The following AP4M1 variants were observed in gnomAD, a reference collection of about 807,000 sequenced individuals.
AP4M1 encodes the protein adaptor related protein complex 4 subunit mu 1.
Under a neutral mutation model 62.4 loss-of-function variants are expected in AP4M1, and 58 were observed. The observed-to-expected ratio is 0.93, with a 90% CI of 0.75 to 1.16. AP4M1 has a LOEUF of 1.16. AP4M1 is among the 50% of genes most tolerant of loss of function. The pLI, the probability that AP4M1 is intolerant of heterozygous loss-of-function variation, is 0.00. For synonymous variants in AP4M1, 290 were observed against 239.7 expected, an observed-to-expected ratio of 1.21 and a Z score of -1.94; for missense variants, 626 against 585.4, an observed-to-expected ratio of 1.07 and a Z score of -0.72.
At position 100,107,947 on chromosome 7, in the gene AP4M1, G is replaced by A; in HGVS notation, c.*1065G>A. The A allele has an allele frequency of 6.2e-7, 1 of 1,612,760 alleles. No individual in the cohort carries two copies. Among genetic ancestry groups the A allele is most frequent in the Non-Finnish European group, 8.5e-7 (1 of 1,179,134 alleles). ...ATACCTGCTGGGTGGATGGGGCGCTGGAGGACGATGACATTACAATAAACT... is the reference window on the plus strand; with the variant it reads ...ATACCTGCTGGGTGGATGGGGCGCTAGAGGACGATGACATTACAATAAACT... On this transcript the variant is annotated 3_prime_UTR_variant, in exon 15 of 15. Coordinates refer to ENST00000359593, the MANE Select transcript of AP4M1 (RefSeq NM_004722.4).
At chr7:100,104,179 A>G (rs1796285076) in intron 7 of AP4M1, 25 bp downstream of exon 7, 1 of 1,605,348 alleles carries the variant, frequency 6.2e-7, no homozygotes, top group African/African-American at 1.3e-5. Context: ...CCAAACCTGG[A>G]GCTGAGGACA....
In AP4M1 at chr7:100,108,007, C is replaced by A; in HGVS notation, c.*1125C>A. On this transcript the variant is annotated 3_prime_UTR_variant, in exon 15 of 15. Transcript: ENST00000359593. ...GAGGGGAAGGCTGTGGTGGGGCAGC[C>A]GCTCGTGCAGACACCAGTGTCTGGA... The A allele has an allele frequency of 6.2e-7, 1 of 1,613,914 alleles. No homozygotes were observed. Among genetic ancestry groups the A allele is most frequent in the South Asian group, 1.1e-5 (1 of 91,054 alleles).
At chr7:100,101,601 G>T, upstream of AP4M1, 1 of 1,159,434 alleles carries the variant, frequency 8.6e-7, no homozygotes, top group Non-Finnish European at 1.3e-6. Flanking sequence ...AGCTGGCGCG[G>T]GCGGAGGAGA....
Position 100,102,852 on chromosome 7 carries a change from GT to G in AP4M1, c.255-11del. 2.5e-6 allele frequency: 4 copies of G among 1,614,088 alleles called. No homozygotes were observed. The highest frequency in any genetic ancestry group is 3.4e-6 in the Non-Finnish European group (4 of 1,179,962). ...GAGGAGGAGAAAATACACGCTCCAA[GT>G]GTTTCCTCAGGTTGGCCACCCTTCT... On this transcript the variant is annotated splice_polypyrimidine_tract_variant and intron_variant, in intron 3 of 14. Coordinates refer to ENST00000359593, the MANE Select transcript of AP4M1 (RefSeq NM_004722.4).
chr7:100,104,121 G>A lies in AP4M1; in HGVS notation c.573G>A (p.Val191=), dbSNP rs764131032. The change falls in exon 7 of 15, where the codon GTG becomes GTA. Residue 191 remains valine, a synonymous_variant. Coordinates refer to ENST00000359593, the MANE Select transcript of AP4M1 (RefSeq NM_004722.4). ...QSQKNEVFLD[V]VERLSVLIAS... The stretch of plus-strand genomic sequence containing the variant: ...AAAAGAATGAAGTTTTTTTGGATGT[G>A]GTCGAGAGATTGTCTGTACTGATAG... The A allele has an allele frequency of 6.2e-7, 1 of 1,613,984 alleles. No individual in the cohort carries two copies. The highest frequency in any genetic ancestry group is 8.5e-7 in the Non-Finnish European group (1 of 1,179,994).
In AP4M1 at chr7:100,106,774, C is replaced by T. The variant is rs1796546378; in HGVS notation, c.1254C>T (p.Gly418=). Reference sequence around the variant, plus strand: ...AGCTTCCCCGGCACACGTGCTCTGGCCTCCAGGTCCGATTCCTCAGGCTGG... The same window carrying T: ...AGCTTCCCCGGCACACGTGCTCTGGTCTCCAGGTCCGATTCCTCAGGCTGG... ...SFELPRHTCS[G]LQVRFLRLAF... is the part of the protein sequence containing the mutation. The change falls in exon 15 of 15, where the codon GGC becomes GGT. Residue 418 remains glycine, a synonymous_variant. Coordinates refer to ENST00000359593, the MANE Select transcript of AP4M1 (RefSeq NM_004722.4). The T allele has an allele frequency of 6.2e-7, 1 of 1,613,982 alleles. No individual in the cohort carries two copies. The highest frequency in any genetic ancestry group is 1.3e-5 in the African/African-American group (1 of 74,952).
rs1350685858 is a variant in AP4M1, at chr7:100,101,764, ACAAAGACTGTATC to A, written c.52_58+6del. The A allele has an allele frequency of 6.2e-7, 1 of 1,612,152 alleles. No homozygotes were observed. Among genetic ancestry groups the A allele is most frequent in the Admixed American group, 1.7e-5 (1 of 59,940 alleles). On this transcript the variant is annotated splice_donor_variant and splice_donor_5th_base_variant and coding_sequence_variant and intron_variant, in exon 1 of 15. Coordinates refer to ENST00000359593, the MANE Select transcript of AP4M1 (RefSeq NM_004722.4). LOFTEE classifies it high-confidence loss of function. ...TCCTCCAAGGGGGACCCGCTCATCT[ACAAAGACTGTATC>A]CTAGACCCTTGGGGCTGGGAAGGGG... is the stretch of plus-strand genomic sequence containing the variant.
chr7:100,104,098 A>C lies in AP4M1; in HGVS notation c.550A>C (p.Lys184Gln). 9 of 1,613,994 alleles carry C rather than the reference A, an allele frequency of 5.6e-6. No homozygotes were observed. The highest frequency in any genetic ancestry group is 7.6e-6 in the Non-Finnish European group (9 of 1,179,980). ...VLSSRSDQSQ[K>Q]NEVFLDVVER... ...AATTCTCTCTCTTTCTCAGAGCCAA[A>C]AGAATGAAGTTTTTTTGGATGTGGT... Residue 184 changes from lysine (K) to glutamine (Q), a missense_variant, in exon 7 of 15, where the codon AAG (lysine) becomes CAG (glutamine). Coordinates refer to ENST00000359593, the MANE Select transcript of AP4M1 (RefSeq NM_004722.4).
At position 100,107,067 on chromosome 7, in the gene AP4M1, G is replaced by C; in HGVS notation, c.*185G>C. 1 of 1,209,960 alleles carries C rather than the reference G, an allele frequency of 8.3e-7. No homozygotes were observed. The highest frequency in any genetic ancestry group is 1.2e-6 in the Non-Finnish European group (1 of 865,858). 75.0% of individuals were successfully genotyped at this position (1,209,960 alleles called of 1,614,324 possible). A position where few individuals can be genotyped will look rare whatever the true frequency, so the allele number is the denominator to read the frequency against. On this transcript the variant is annotated 3_prime_UTR_variant, in exon 15 of 15. Transcript: ENST00000359593. Reference sequence around the variant, plus strand: ...TATCTGATGCAGGAAGGACTGCAGTGGATCAGAACTTACAAACCAAACTTT... The same window carrying C: ...TATCTGATGCAGGAAGGACTGCAGTCGATCAGAACTTACAAACCAAACTTT...
chr7:100,102,268 G>T (rs549547671), intron 2 of AP4M1: 52 of 565,298 alleles, frequency 9.2e-5, no homozygotes, highest in African/African-American at 8.7e-4. Flanking sequence ...GCGGGCGCCT[G>T]TAATCCCATC....
In AP4M1 at chr7:100,107,017, G is replaced by A; in HGVS notation, c.*135G>A. 1 of 1,245,252 alleles carries A rather than the reference G, an allele frequency of 8.0e-7. No individual in the cohort carries two copies. Among genetic ancestry groups the A allele is most frequent in the Non-Finnish European group, 1.1e-6 (1 of 883,246 alleles). 77.1% of individuals were successfully genotyped at this position (1,245,252 alleles called of 1,614,324 possible). A position where few individuals can be genotyped will look rare whatever the true frequency, so the allele number is the denominator to read the frequency against. On this transcript the variant is annotated 3_prime_UTR_variant, in exon 15 of 15. Transcript: ENST00000359593. ...GTCCTCAGTCCCAAGACCAGGAGGG[G>A]GCAATGGGCCCAGCCTTTCTGTGGT...
chr7:100,106,204 C>T (rs759307262), intron 12 of AP4M1, 37 bp from the exon 13 acceptor site: 4 of 1,612,968 alleles, frequency 2.5e-6, no homozygotes, highest in Non-Finnish European at 3.4e-6. Flanking sequence ...GGGACTGTGC[C>T]TTCCTGGGGC....
chr7:100,106,384 T>C lies in AP4M1; in HGVS notation c.1026-19T>C. On this transcript the variant is annotated intron_variant, in intron 13 of 14. Transcript: ENST00000359593. ...TCAAGAAGGTGCCAAGCCCAGCACCTTCCCTTTCCAAACTCCAGCCTGTCT... is the reference window on the plus strand; with the variant it reads ...TCAAGAAGGTGCCAAGCCCAGCACCCTCCCTTTCCAAACTCCAGCCTGTCT... 6.2e-7 allele frequency: 1 copy of C among 1,613,310 alleles called. No individual in the cohort carries two copies. The highest frequency in any genetic ancestry group is 1.7e-5 in the Admixed American group (1 of 60,020).
rs1796489851 is a variant in AP4M1 at position 100,106,428 on chromosome 7, G to C, written c.1051G>C (p.Glu351Gln). 1 of 1,613,834 alleles carries C rather than the reference G, an allele frequency of 6.2e-7. No homozygotes were observed. The change falls in exon 14 of 15, where the codon GAG becomes CAG. Residue 351 changes from glutamate (E) to glutamine (Q), a missense_variant. Transcript: ENST00000359593. ...CCTGTCTCAGGAGCTGAGCAGCCCA[G>C]AGCAGAAGGCTGAGCTGGCAGAGGG... ...VSLSQELSSP[E>Q]QKAELAEGAL... is the part of the protein sequence containing the mutation.
Position 100,102,898 on chromosome 7 carries a change from C to T in AP4M1, c.289C>T (p.Leu97=), listed in dbSNP as rs376025594. 41 of 1,614,004 alleles carry T rather than the reference C, an allele frequency of 2.5e-5. No individual in the cohort carries two copies. Among genetic ancestry groups the T allele is most frequent in the South Asian group, 9.9e-5 (9 of 91,086 alleles). The change falls in exon 4 of 15, where the codon CTG becomes TTG. Residue 97 remains leucine (L), a synonymous_variant. Transcript: ENST00000359593. The part of the protein sequence containing the change: ...ATLLGDYCGS[L]GEGTISRNVA... ...CCTTCTGGGCGATTACTGTGGCTCCCTGGGCGAGGGGACCATCTCCCGCAA... is the reference window on the plus strand; with the variant it reads ...CCTTCTGGGCGATTACTGTGGCTCCTTGGGCGAGGGGACCATCTCCCGCAA...
intron 5 of AP4M1, 35 bp downstream of exon 5, chr7:100,103,554 A>G: frequency 1.2e-6 from 2 of 1,613,780 alleles, no homozygotes; most frequent in Middle Eastern, 3.3e-4. Context: ...GAGGAAAGAG[A>G]AGAGGGGTTG....
rs199843455 is a variant in AP4M1 at position 100,107,347 on chromosome 7, C to A, written c.*465C>A. The A allele has an allele frequency of 1.9e-5, 30 of 1,553,052 alleles. No individual in the cohort carries two copies. Among genetic ancestry groups the A allele is most frequent in the South Asian group, 2.4e-5 (2 of 81,908 alleles). On this transcript the variant is annotated 3_prime_UTR_variant, in exon 15 of 15. Transcript: ENST00000359593. The stretch of plus-strand genomic sequence containing the variant: ...CTGTCCCCAGCCTCCTGCTTCCCCC[C>A]ACAAAGGGCACTGCCGCTGAGTGGG...
chr7:100,101,193 A>T, upstream of AP4M1: 9 of 1,586,118 alleles, frequency 5.7e-6, no homozygotes, highest in Non-Finnish European at 7.8e-6. Context: ...CCAAGACCCC[A>T]GCTCACACCA....
chr7:100,105,874 A>G, intron 11 of AP4M1, 85 bp from the exon 12 acceptor site: 3 of 1,482,408 alleles, frequency 2.0e-6, no homozygotes, highest in South Asian at 1.1e-5. Context: ...ACACCCACAC[A>G]GCCCCACATG....
Sources: allele counts gnomAD v4.1 joint callset, GRCh38; gene constraint gnomAD v4.1.1; transcripts MANE v1.5; gene names NCBI Gene and HGNC (gene_info 2026-07-23, HGNC 2026-07-21).